Variants in TEAD1 observed in about 807,000 individuals in gnomAD.
TEAD1 encodes the protein transcriptional enhancer factor TEF-1.
TEAD1 carries 9 observed loss-of-function variants against 54.9 expected under a neutral mutation model. That is an observed-to-expected ratio of 0.16 (90% confidence interval 0.10 to 0.29). The LOEUF (loss-of-function observed/expected upper bound fraction) is 0.29, where lower values mean the gene tolerates loss of function less well. Ranked by LOEUF, TEAD1 falls within the 10% of genes least tolerant of loss-of-function variation. The pLI is 1.00. For missense variants in TEAD1, 387 were observed against 535.9 expected, an observed-to-expected ratio of 0.72 and a Z score of 2.74; for synonymous variants, 200 against 187.8, an observed-to-expected ratio of 1.07 and a Z score of -0.53.
chr11:12,881,456 A>G (rs1947964773), intron 7 of TEAD1, among the ~76,000 whole-genome samples: 1 of 152,214 alleles, frequency 6.6e-6, no homozygotes. Context: ...CCTTGGGGGC[A>G]AGAGAAGAAA....
At chr11:12,724,343 T>G (rs1055773022) in intron 2 of TEAD1, among the ~76,000 whole-genome samples, 2 of 152,248 alleles carry the variant, frequency 1.3e-5, no homozygotes, top group Non-Finnish European at 2.9e-5. Context: ...ATTTAATTTG[T>G]TAATGAAACA....
intron 3 of TEAD1, among the ~76,000 whole-genome samples, chr11:12,777,531 G>T (rs1308184659): frequency 2.0e-5 from 3 of 152,178 alleles, no homozygotes; most frequent in Non-Finnish European, 4.4e-5. Context: ...TATTGAGAGA[G>T]GTTTGGTGCA....
chr11:12,902,161 A>G, intron 10 of TEAD1, 48 bp downstream of exon 10: 2 of 1,608,816 alleles, frequency 1.2e-6, no homozygotes, highest in Non-Finnish European at 1.7e-6. Flanking sequence ...CTGAATGGTC[A>G]CATCTCTTAC....
intron 3 of TEAD1, among the ~76,000 whole-genome samples, chr11:12,769,703 T>C (rs1945277561): frequency 6.6e-6 from 1 of 152,132 alleles, no homozygotes; most frequent in Non-Finnish European, 1.5e-5. Flanking sequence ...TGTGGCATCT[T>C]TGATTTCCTC....
chr11:12,893,135 G>C (rs1004385348), intron 9 of TEAD1, among the ~76,000 whole-genome samples: 1 of 152,202 alleles, frequency 6.6e-6, no homozygotes, highest in African/African-American at 2.4e-5. Context: ...CTCATGCTTC[G>C]GAATAAGTGG....
At chr11:12,712,824 G>A (rs184633571) in intron 2 of TEAD1, among the ~76,000 whole-genome samples, 1 of 152,246 alleles carries the variant, frequency 6.6e-6, no homozygotes, top group East Asian at 1.9e-4. Flanking sequence ...AATTGAGAGG[G>A]GAGCCTGTGG....
At chr11:12,783,686 A>G (rs1046537445) in intron 3 of TEAD1, among the ~76,000 whole-genome samples, 2 of 152,182 alleles carry the variant, frequency 1.3e-5, no homozygotes, top group African/African-American at 4.8e-5. Flanking sequence ...AGTCTTAACC[A>G]CTAGGCTGAA....
In TEAD1 at chr11:12,779,265, T is replaced by C. The variant is rs1945496025; in HGVS notation, c.202+14831T>C. Among the ~76,000 whole-genome samples, 2 of 152,198 alleles carry C rather than the reference T, an allele frequency of 1.3e-5. 1 individual carries two copies. The highest frequency in any genetic ancestry group is 4.1e-4 in the South Asian group (2 of 4,828). ...CAATGAACTAAGTAAACTCTCACTGTAGAGTTCAGAAGGGTGTTGAGTTAG... is the reference window on the plus strand; with the variant it reads ...CAATGAACTAAGTAAACTCTCACTGCAGAGTTCAGAAGGGTGTTGAGTTAG... On this transcript the variant is annotated intron_variant, in intron 3 of 12. Transcript: ENST00000527636.
chr11:12,880,397 C>T (rs539460486), intron 6 of TEAD1, among the ~76,000 whole-genome samples: 1 of 152,190 alleles, frequency 6.6e-6, no homozygotes, highest in East Asian at 1.9e-4. Context: ...AGTAGCAAAA[C>T]AAGAGTTTGG....
At chr11:12,801,203 A>G (rs928480262) in intron 3 of TEAD1, among the ~76,000 whole-genome samples, 3 of 152,228 alleles carry the variant, frequency 2.0e-5, no homozygotes, top group Non-Finnish European at 4.4e-5. Context: ...TTGGGGCTGG[A>G]TTTGAAAATT....
chr11:12,759,327 A>G (rs539307110), intron 2 of TEAD1, among the ~76,000 whole-genome samples: 5 of 149,026 alleles, frequency 3.4e-5, no homozygotes, highest in Non-Finnish European at 7.3e-5. Context: ...TTGAATACAC[A>G]TGTGATATCT....
chr11:12,877,247 G>A (rs998522688), intron 5 of TEAD1, among the ~76,000 whole-genome samples: 1 of 152,106 alleles, frequency 6.6e-6, no homozygotes, highest in African/African-American at 2.4e-5. Flanking sequence ...AGTGTCACTC[G>A]GCCACGGGAG....
At chr11:12,770,558 A>T (rs766319651) in intron 3 of TEAD1, among the ~76,000 whole-genome samples, 5 of 152,174 alleles carry the variant, frequency 3.3e-5, no homozygotes, top group Non-Finnish European at 7.3e-5. Flanking sequence ...TTGCTATAGG[A>T]TGTGCGATCT....
intron 12 of TEAD1, among the ~76,000 whole-genome samples, chr11:12,935,875 A>G (rs1949091230): frequency 6.6e-6 from 1 of 152,172 alleles, no homozygotes; most frequent in South Asian, 2.1e-4. Flanking sequence ...TAGAAAAAAA[A>G]TTGTACACGC....
At chr11:12,851,446 A>G (rs1427510512) in intron 3 of TEAD1, among the ~76,000 whole-genome samples, 1 of 152,224 alleles carries the variant, frequency 6.6e-6, no homozygotes, top group Non-Finnish European at 1.5e-5. Flanking sequence ...TTTATTATCT[A>G]TATGTATCTC....
rs765137801 is a variant in TEAD1 at position 12,862,331 on chromosome 11, G to A, written c.267+17G>A. ...AGAAAACAGGTAAAATAACCCACCT[G>A]GAAATTGTGCATGTCAGCGAATGGC... On this transcript the variant is annotated intron_variant, in intron 4 of 12. Coordinates refer to ENST00000527636, the MANE Select transcript of TEAD1 (RefSeq NM_021961.6). 6.2e-7 allele frequency: 1 copy of A among 1,612,914 alleles called. No individual in the cohort carries two copies. Among genetic ancestry groups the A allele is most frequent in the Non-Finnish European group, 8.5e-7 (1 of 1,179,036 alleles).
At chr11:12,777,626 G>A (rs757158247) in intron 3 of TEAD1, among the ~76,000 whole-genome samples, 2 of 152,220 alleles carry the variant, frequency 1.3e-5, no homozygotes, top group African/African-American at 2.4e-5. Context: ...TATTGGGGAT[G>A]ATGACATGCC....
chr11:12,804,564 G>T (rs942194414), intron 3 of TEAD1, among the ~76,000 whole-genome samples: 1 of 152,204 alleles, frequency 6.6e-6, no homozygotes, highest in Non-Finnish European at 1.5e-5. Flanking sequence ...TGTTGTAATG[G>T]GAGATCAGTA....
rs1048476793 is a variant in TEAD1 at position 12,924,855 on chromosome 11, G to A, written c.874-57G>A. 133 of 1,608,420 alleles carry A rather than the reference G, an allele frequency of 8.3e-5. No individual in the cohort carries two copies. In the Middle Eastern group the frequency reaches 9.9e-4, roughly 12 times the overall value. On this transcript the variant is annotated intron_variant, in intron 10 of 12. Transcript: ENST00000527636. ...GGTCTTACCCTGAAAGTTACTGCTCGGTGCCATGACTCCTGGGATGAGAGA... is the reference window on the plus strand; with the variant it reads ...GGTCTTACCCTGAAAGTTACTGCTCAGTGCCATGACTCCTGGGATGAGAGA...
Sources: gnomAD v4.1 joint callset for allele counts (sites outside exome capture counted in the v4.1 genomes callset) on GRCh38, gnomAD v4.1.1 for gene constraint, MANE v1.5 for transcripts, NCBI Gene and HGNC (gene_info 2026-07-23, HGNC 2026-07-21) for gene names.